The following FSTL4 variants were observed in gnomAD, a reference collection of about 807,000 sequenced individuals.
FSTL4 encodes follistatin like 4, also known as follistatin-related protein 4.
A neutral mutation model predicts 78.2 loss-of-function variants in FSTL4; 28 were observed. The observed-to-expected ratio is 0.36, with a 90% CI of 0.27 to 0.49. The LOEUF is 0.49. Among genes scored for constraint, FSTL4 ranks in the 20% least tolerant of loss-of-function variants. The pLI, the probability that FSTL4 is intolerant of heterozygous loss-of-function variation, is 0.98. For synonymous variants in FSTL4, 422 were observed against 440.5 expected (o/e 0.96, Z 0.53); for missense variants, 922 against 1,084.9 (o/e 0.85, Z 2.11).
the FSTL4 span, among the ~76,000 whole-genome samples, chr5:133,794,766 A>T: frequency 6.6e-6 from 1 of 152,160 alleles, no homozygotes; most frequent in African/African-American, 2.4e-5. Flanking sequence ...ACTGTATCCA[A>T]GCACACACCA....
intron 4 of FSTL4, among the ~76,000 whole-genome samples, chr5:133,362,778 T>C (rs549861633): frequency 1.3e-5 from 2 of 152,380 alleles, no homozygotes; most frequent in South Asian, 4.1e-4. Flanking sequence ...CTCCTTCCCA[T>C]AGTCTCAGCA....
chr5:133,541,683 T>G (rs982158290), intron 3 of FSTL4, among the ~76,000 whole-genome samples: 1 of 152,226 alleles, frequency 6.6e-6, no homozygotes, highest in Non-Finnish European at 1.5e-5. Context: ...GTGGCCAGCA[T>G]GAGTCCTTTA....
chr5:133,779,297 G>A, the FSTL4 span, among the ~76,000 whole-genome samples: 1 of 152,090 alleles, frequency 6.6e-6, no homozygotes, highest in South Asian at 2.1e-4. Flanking sequence ...TATAAAATAA[G>A]TGATGTGGGC....
At chr5:133,729,351 G>A in the FSTL4 span, among the ~76,000 whole-genome samples, 2 of 152,118 alleles carry the variant, frequency 1.3e-5, no homozygotes, top group Non-Finnish European at 2.9e-5. Flanking sequence ...GCATGACCTT[G>A]GGAGAGCTAC....
intron 6 of FSTL4, among the ~76,000 whole-genome samples, chr5:133,277,349 T>C (rs1289732302): frequency 6.7e-6 from 1 of 150,364 alleles, no homozygotes; most frequent in Non-Finnish European, 1.5e-5. Flanking sequence ...ATGATAATTG[T>C]GTCAGGTAGG....
Position 133,400,775 on chromosome 5 carries a change from C to T in FSTL4, c.372G>A (p.Arg124=), listed in dbSNP as rs142092218. ...LHRAACLLGK[R]ITVIHSKDCF... Reference sequence around the variant, plus strand: ...AGTCCTTGCTGTGGATGACGGTGATCCTCTTTCCCAGGAGGCAAGCAGCAC... The same window carrying T: ...AGTCCTTGCTGTGGATGACGGTGATTCTCTTTCCCAGGAGGCAAGCAGCAC... The change falls in exon 4 of 16, where the codon AGG becomes AGA. Residue 124 remains arginine (R), a synonymous_variant. Transcript: ENST00000265342. The T allele has an allele frequency of 4.3e-6, 7 of 1,613,978 alleles. No homozygotes were observed. In the African/African-American group the frequency reaches 8.0e-5, roughly 18 times the overall value.
chr5:133,215,222 C>A lies in FSTL4; in HGVS notation c.1608+2007G>T, dbSNP rs568056837. On this transcript the variant is annotated intron_variant, in intron 13 of 15. Transcript: ENST00000265342. ...TTTTCCTATCTTTCAGGTTATTCCT[C>A]CTTGGTCTCCTTTATTGGTTTCTTC... 1.5e-3 allele frequency among the ~76,000 whole-genome samples: 221 copies of A among 152,138 alleles called. 2 individuals carry two copies. The highest frequency in any genetic ancestry group is 2.7e-3 in the Non-Finnish European group (187 of 68,036).
chr5:133,674,749 A>G, the FSTL4 span, among the ~76,000 whole-genome samples: 5 of 152,218 alleles, frequency 3.3e-5, no homozygotes, highest in East Asian at 9.6e-4. Context: ...TTCAAATTGA[A>G]TACATCAGTG....
At position 133,394,294 on chromosome 5, in the gene FSTL4, C is replaced by A. The variant is rs535889099; in HGVS notation, c.409+6444G>T. ...TCAGCCCGCCGCTGCACTGTGGGAA[C>A]CCCTCTCTGGGCTGGCCGAGGCTGG... On this transcript the variant is annotated intron_variant, in intron 4 of 15. Transcript: ENST00000265342. 3.5e-3 allele frequency among the ~76,000 whole-genome samples: 528 copies of A among 152,370 alleles called. 6 individuals carry two copies. Among genetic ancestry groups the A allele is most frequent in the African/African-American group, 0.012 (495 of 41,596 alleles).
the FSTL4 span, among the ~76,000 whole-genome samples, chr5:133,697,483 ACAGT>A: frequency 3.3e-5 from 5 of 152,228 alleles, no homozygotes; most frequent in Admixed American, 6.5e-5. Flanking sequence ...AATGGAAAAG[ACAGT>A]CTCTACCCCA....
At chr5:133,511,046 C>A (rs893421930) in intron 3 of FSTL4, among the ~76,000 whole-genome samples, 2 of 152,176 alleles carry the variant, frequency 1.3e-5, no homozygotes, top group African/African-American at 4.8e-5. Flanking sequence ...GGAGTTTTTG[C>A]GAGCTCAGTT....
the FSTL4 span, among the ~76,000 whole-genome samples, chr5:133,714,938 C>A: frequency 6.6e-6 from 1 of 152,264 alleles, no homozygotes; most frequent in Non-Finnish European, 1.5e-5. Flanking sequence ...GTCCCCCAGA[C>A]ATCCCTTACG....
chr5:133,447,712 G>T (rs1046949780), intron 3 of FSTL4, among the ~76,000 whole-genome samples: 1 of 152,078 alleles, frequency 6.6e-6, no homozygotes, highest in African/African-American at 2.4e-5. Flanking sequence ...ACTAATTTTT[G>T]TATTTTTAGT....
chr5:133,336,558 G>A (rs1754469804), intron 4 of FSTL4, among the ~76,000 whole-genome samples: 2 of 152,196 alleles, frequency 1.3e-5, no homozygotes, highest in Admixed American at 6.5e-5. Flanking sequence ...AGGATGGTAC[G>A]GATTTTATTC....
intron 2 of FSTL4, among the ~76,000 whole-genome samples, chr5:133,581,142 T>C (rs1760395452): frequency 6.6e-6 from 1 of 152,196 alleles, no homozygotes; most frequent in Admixed American, 6.5e-5. Context: ...CTTAAAGTAG[T>C]TTAAATTAAA....
chr5:133,326,539 A>T (rs1754216372), intron 4 of FSTL4, among the ~76,000 whole-genome samples: 1 of 152,192 alleles, frequency 6.6e-6, no homozygotes, highest in Non-Finnish European at 1.5e-5. Context: ...CTAGCCTTGA[A>T]GGCCCTCCCA....
At chr5:133,786,458 CTATGTCCTCGT>C in the FSTL4 span, among the ~76,000 whole-genome samples, 4 of 152,222 alleles carry the variant, frequency 2.6e-5, no homozygotes, top group African/African-American at 9.6e-5. Flanking sequence ...CTGTAATGAT[CTATGTCCTCGT>C]ATAAAGTCTA....
intron 6 of FSTL4, among the ~76,000 whole-genome samples, chr5:133,307,794 T>TG (rs1753688896): frequency 1.3e-5 from 2 of 151,294 alleles, no homozygotes; most frequent in South Asian, 4.2e-4. Flanking sequence ...TTTTTTTTTT[T>TG]TTTTGAGATG....
Position 133,525,065 on chromosome 5 carries a change from C to T in FSTL4, c.160+42121G>A, listed in dbSNP as rs543191092. Among the ~76,000 whole-genome samples the T allele has an allele frequency of 7.9e-5, 12 of 152,318 alleles. No homozygotes were observed. The South Asian group carries it at 8.3e-4, about 11-fold the overall frequency. On this transcript the variant is annotated intron_variant, in intron 3 of 15. Coordinates refer to ENST00000265342, the MANE Select transcript of FSTL4 (RefSeq NM_015082.2). The stretch of plus-strand genomic sequence containing the variant: ...TGTTACATGGAGTCTTCCCAGCAGA[C>T]GGGTGCCCCAGCCTTTCCGCTGTTC...
Sources: gnomAD v4.1 joint callset for allele counts (sites outside exome capture counted in the v4.1 genomes callset) on GRCh38, gnomAD v4.1.1 for gene constraint, MANE v1.5 for transcripts, NCBI Gene and HGNC (gene_info 2026-07-23, HGNC 2026-07-21) for gene names.